TPST2: variants seen among roughly 807,000 people sequenced by gnomAD.
TPST2 encodes the protein protein-tyrosine sulfotransferase 2.
A neutral mutation model predicts 27.8 loss-of-function variants in TPST2; 16 were observed. That is an observed-to-expected ratio of 0.58 (90% CI 0.39 to 0.88). TPST2 has a LOEUF of 0.88. TPST2 is among the 40% of genes least tolerant of loss of function. The probability of loss-of-function intolerance (pLI) is 0.00; values close to 1 mark genes in which losing one functional copy is unlikely to be tolerated. For missense variants in TPST2, 464 were observed against 543.1 expected, an observed-to-expected ratio of 0.85 and a Z score of 1.45; for synonymous variants, 229 against 231.7, an observed-to-expected ratio of 0.99 and a Z score of 0.10.
At chr22:26,551,883 C>CTTTTTTTTTTTTTTTTTTT (rs1163793644) in intron 1 of TPST2, among the ~76,000 whole-genome samples, 15 of 66,436 alleles carry the variant, frequency 2.3e-4, no homozygotes, top group Non-Finnish European at 3.9e-4. Flanking sequence ...TTTTCTTTTT[C>CTTTTTTTTTTTTTTTTTTT]TTTTTTTTTT....
chr22:26,530,547 G>C (rs1365862383), intron 5 of TPST2, among the ~76,000 whole-genome samples: 4 of 151,232 alleles, frequency 2.6e-5, no homozygotes, highest in Non-Finnish European at 5.9e-5. Flanking sequence ...ATGGAATCAT[G>C]CTTGAACCCG....
chr22:26,576,818 C>T (rs562178763), intron 1 of TPST2, among the ~76,000 whole-genome samples: 11 of 151,738 alleles, frequency 7.2e-5, no homozygotes, highest in Non-Finnish European at 1.0e-4. Context: ...AAAAAAAGGC[C>T]GGGCGCGGTG....
intron 1 of TPST2, among the ~76,000 whole-genome samples, chr22:26,559,911 G>C (rs894308377): frequency 6.6e-6 from 1 of 152,082 alleles, no homozygotes; most frequent in Admixed American, 6.6e-5. Flanking sequence ...CCTTCTAGGA[G>C]CCTCTGAGGA....
intron 1 of TPST2, among the ~76,000 whole-genome samples, chr22:26,566,233 G>A (rs1337083193): frequency 1.3e-5 from 2 of 152,060 alleles, no homozygotes; most frequent in Non-Finnish European, 2.9e-5. Context: ...CCTGGACAAC[G>A]TGGTGAAACC....
At chr22:26,569,648 TA>T (rs1034169365) in intron 1 of TPST2, among the ~76,000 whole-genome samples, 2 of 136,062 alleles carry the variant, frequency 1.5e-5, no homozygotes, top group Non-Finnish European at 3.2e-5. Context: ...CTTTGTCTCC[TA>T]AAAAAAAAGA....
intron 1 of TPST2, among the ~76,000 whole-genome samples, chr22:26,572,384 C>T (rs1927664366): frequency 6.6e-6 from 1 of 152,100 alleles, no homozygotes; most frequent in Admixed American, 6.5e-5. Flanking sequence ...AAGGTGGAGC[C>T]GAGATGGAGA....
chr22:26,542,927 C>T (rs1925941914), intron 2 of TPST2, among the ~76,000 whole-genome samples: 2 of 152,192 alleles, frequency 1.3e-5, no homozygotes, highest in South Asian at 4.1e-4. Context: ...CTTGGGCTGC[C>T]TGGGCCTTCT....
At chr22:26,552,917 G>A (rs987258997) in intron 1 of TPST2, among the ~76,000 whole-genome samples, 3 of 151,932 alleles carry the variant, frequency 2.0e-5, no homozygotes, top group Non-Finnish European at 4.4e-5. Context: ...AAAATTAGCC[G>A]CGCATGGTGG....
chr22:26,565,846 A>G (rs1927352471), intron 1 of TPST2: 1 of 152,166 alleles, frequency 6.6e-6, no homozygotes, highest in South Asian at 2.1e-4. Context: ...AACCCAGGGT[A>G]AAACTACTTT....
At chr22:26,561,674 TC>T (rs1376540307) in intron 1 of TPST2, among the ~76,000 whole-genome samples, 2 of 152,140 alleles carry the variant, frequency 1.3e-5, no homozygotes, top group Non-Finnish European at 2.9e-5. Flanking sequence ...CAGCAGGTGC[TC>T]TAGGTCTTAT....
chr22:26,528,288 AG>A (rs1569175354), intron 5 of TPST2, 26 bp from the exon 6 acceptor site: 1 of 1,557,224 alleles, frequency 6.4e-7, no homozygotes, highest in Non-Finnish European at 8.7e-7. Context: ...ACACAGAAGA[AG>A]GGGTCACGGC....
chr22:26,528,458 C>T (rs772587189), intron 5 of TPST2, among the ~76,000 whole-genome samples, 196 bp from the exon 6 acceptor site: 2 of 152,242 alleles, frequency 1.3e-5, no homozygotes, highest in African/African-American at 2.4e-5. Context: ...ACGGAACTTA[C>T]GTTCGAGTTG....
intron 1 of TPST2, among the ~76,000 whole-genome samples, chr22:26,559,093 G>A (rs1207058534): frequency 1.3e-5 from 2 of 152,372 alleles, no homozygotes; most frequent in Admixed American, 6.5e-5. Flanking sequence ...TGGGCCCGGC[G>A]CGGTGGCCCA....
chr22:26,554,171 C>A (rs999025463), intron 1 of TPST2, among the ~76,000 whole-genome samples: 1 of 152,110 alleles, frequency 6.6e-6, no homozygotes, highest in Non-Finnish European at 1.5e-5. Context: ...TATCTGATGC[C>A]GGAACCCAAG....
intron 1 of TPST2, among the ~76,000 whole-genome samples, chr22:26,580,380 C>A (rs1362433489): frequency 6.6e-6 from 1 of 152,184 alleles, no homozygotes; most frequent in African/African-American, 2.4e-5. Flanking sequence ...AGCTACACAG[C>A]CATCCCGCCC....
At position 26,541,415 on chromosome 22, in the gene TPST2, G is replaced by A. The variant is rs1411749033; in HGVS notation, c.216C>T (p.Phe72=). 9.6e-6 allele frequency: 15 copies of A among 1,570,548 alleles called. No homozygotes were observed. The highest frequency in any genetic ancestry group is 3.4e-4 in the Middle Eastern group (2 of 5,848). ...YRYGKAMPLI[F]VGGVPRSGTT... ...TGCCACTGCGAGGCACGCCACCCAC[G>A]AAGATGAGCGGCATGGCCTTGCCAT... Residue 72 remains phenylalanine, a synonymous_variant, in exon 3 of 7, where the codon TTC becomes TTT. Transcript: ENST00000338754. This position sits in a 1 kb window ranked among gnomAD's most constrained non-coding sequence, Gnocchi z 5.9.
chr22:26,566,232 C>T (rs529229999), intron 1 of TPST2, among the ~76,000 whole-genome samples: 6 of 151,844 alleles, frequency 4.0e-5, no homozygotes, highest in Non-Finnish European at 7.4e-5. Context: ...GCCTGGACAA[C>T]GTGGTGAAAC....
At chr22:26,545,273 T>A (rs1186632981) in intron 1 of TPST2, among the ~76,000 whole-genome samples, 1 of 152,142 alleles carries the variant, frequency 6.6e-6, no homozygotes, top group Non-Finnish European at 1.5e-5. Context: ...ATTTTACAGA[T>A]GAGAAAGCAT....
At chr22:26,565,019 A>G (rs934436757) in intron 1 of TPST2, among the ~76,000 whole-genome samples, 5 of 152,050 alleles carry the variant, frequency 3.3e-5, no homozygotes, top group Non-Finnish European at 5.9e-5. Context: ...CCCCACTGAG[A>G]CTTCATAATG....
Sources: allele counts gnomAD v4.1 joint callset (sites outside exome capture counted in the v4.1 genomes callset), GRCh38; gene constraint gnomAD v4.1.1; non-coding constraint Gnocchi (gnomAD v3.1); transcripts MANE v1.5; gene names NCBI Gene and HGNC (gene_info 2026-07-23, HGNC 2026-07-21).